NAV2: variants seen among roughly 807,000 people sequenced by gnomAD.
NAV2 encodes helicase, APC down-regulated 1.
A neutral mutation model predicts 223.2 loss-of-function variants in NAV2; 54 were observed. That is an observed-to-expected ratio of 0.24 (90% CI 0.19 to 0.30). NAV2 has a LOEUF of 0.30. NAV2 is among the 10% of genes least tolerant of loss of function. NAV2 has a pLI of 1.00. For missense variants in NAV2, 2,806 were observed against 3,147.5 expected, an observed-to-expected ratio of 0.89 and a Z score of 2.60; for synonymous variants, 1,279 against 1,239.3, an observed-to-expected ratio of 1.03 and a Z score of -0.67.
intron 1 of NAV2, chr11:19,714,534 T>C (rs1272907825): frequency 4.4e-6 from 2 of 452,836 alleles, no homozygotes; most frequent in East Asian, 7.0e-5. Context: ...GGCAAGGTGC[T>C]GGGACTGCGG....
At chr11:20,027,303 GCC>G (rs10710884) in intron 11 of NAV2, 1 of 985,132 alleles carries the variant, frequency 1.0e-6, no homozygotes, top group Non-Finnish European at 1.2e-6. Flanking sequence ...TTCCGCTCGG[GCC>G]CCGGGGTTTC....
chr11:19,566,961 CT>C (rs1163534615), intron 1 of NAV2, among the ~76,000 whole-genome samples: 1 of 152,176 alleles, frequency 6.6e-6, no homozygotes, highest in Non-Finnish European at 1.5e-5. Flanking sequence ...TGAAAAAGGT[CT>C]ACACTTTCTG....
intron 1 of NAV2, among the ~76,000 whole-genome samples, chr11:19,533,106 T>C (rs540666475): frequency 1.6e-4 from 25 of 152,264 alleles, no homozygotes; most frequent in Non-Finnish European, 2.5e-4. Context: ...GTTTCAGTGA[T>C]GGGAGAAAGC....
intron 9 of NAV2, among the ~76,000 whole-genome samples, chr11:19,947,063 T>C (rs1240231377): frequency 6.6e-6 from 1 of 152,206 alleles, no homozygotes; most frequent in Non-Finnish European, 1.5e-5. Context: ...AACCCTGGGA[T>C]GTCTTTTGTG....
chr11:19,756,795 CT>C (rs1164049815), intron 1 of NAV2, among the ~76,000 whole-genome samples: 1 of 152,212 alleles, frequency 6.6e-6, no homozygotes, highest in African/African-American at 2.4e-5. Context: ...GCGCCAGTTT[CT>C]TTTTGGTGAG....
intron 1 of NAV2, among the ~76,000 whole-genome samples, chr11:19,448,866 G>A (rs187645558): frequency 6.6e-6 from 1 of 152,330 alleles, no homozygotes; most frequent in East Asian, 1.9e-4. Context: ...GGTCTGTGAA[G>A]GAGGGAGAGA....
At chr11:20,035,247 T>A (rs1017548169) in intron 11 of NAV2, among the ~76,000 whole-genome samples, 3 of 151,674 alleles carry the variant, frequency 2.0e-5, no homozygotes, top group Non-Finnish European at 4.4e-5. Context: ...GGAAGCAAGG[T>A]GATAGGACTG....
At chr11:19,350,958 A>G in exon 1 of NAV2, 1 of 1,551,718 alleles carries the variant, frequency 6.4e-7, no homozygotes, top group Non-Finnish European at 8.7e-7. Context: ...GGGAAATGGA[A>G]TCGGTTTCTG....
At chr11:19,582,185 A>G (rs1475901804) in intron 1 of NAV2, among the ~76,000 whole-genome samples, 1 of 152,114 alleles carries the variant, frequency 6.6e-6, no homozygotes, top group African/African-American at 2.4e-5. Flanking sequence ...GTCTGTTCAT[A>G]TCCTTCGCCC....
At chr11:20,107,967 A>G (rs888040791) in intron 36 of NAV2, among the ~76,000 whole-genome samples, 185 bp downstream of exon 36, 3 of 152,038 alleles carry the variant, frequency 2.0e-5, no homozygotes, top group Non-Finnish European at 4.4e-5. Flanking sequence ...TCTTCCACCC[A>G]TTAGCATTGT....
At chr11:19,835,123 A>C (rs1267785089) in intron 2 of NAV2, among the ~76,000 whole-genome samples, 3 of 152,212 alleles carry the variant, frequency 2.0e-5, no homozygotes, top group African/African-American at 7.2e-5. Flanking sequence ...CAGTTTTATC[A>C]TTGCTCAGGA....
chr11:19,571,709 A>C (rs1231533675), intron 1 of NAV2, among the ~76,000 whole-genome samples: 1 of 151,464 alleles, frequency 6.6e-6, no homozygotes, highest in African/African-American at 2.4e-5. Context: ...TCCATCTCAA[A>C]AAAGAAAAAA....
chr11:19,674,853 C>T (rs1036637017), intron 1 of NAV2, among the ~76,000 whole-genome samples: 3 of 152,212 alleles, frequency 2.0e-5, no homozygotes, highest in African/African-American at 7.2e-5. Context: ...GGGCCACCTC[C>T]CTGGGTTCAA....
At chr11:20,045,778 C>A in intron 14 of NAV2, 108 bp downstream of exon 14, 1 of 929,846 alleles carries the variant, frequency 1.1e-6, no homozygotes, top group Non-Finnish European at 1.6e-6. Flanking sequence ...CACTTTAGTC[C>A]TCCAGTAAAG....
At chr11:20,019,998 A>G (rs1237127381) in intron 11 of NAV2, among the ~76,000 whole-genome samples, 1 of 152,056 alleles carries the variant, frequency 6.6e-6, no homozygotes, top group Non-Finnish European at 1.5e-5. Context: ...ATGAGGTAAA[A>G]AAAAAAAAAA....
intron 1 of NAV2, among the ~76,000 whole-genome samples, chr11:19,569,788 G>C (rs1392150965): frequency 6.6e-6 from 1 of 152,174 alleles, no homozygotes; most frequent in Non-Finnish European, 1.5e-5. Context: ...TGGGGAGGGA[G>C]AACTGCCCCT....
chr11:20,017,764 G>A (rs546216460), intron 11 of NAV2, among the ~76,000 whole-genome samples: 5 of 152,294 alleles, frequency 3.3e-5, no homozygotes, highest in African/African-American at 1.2e-4. Flanking sequence ...AGTATTAACT[G>A]CTGTACTTCA....
At chr11:19,416,629 G>A (rs538897772) in intron 1 of NAV2, among the ~76,000 whole-genome samples, 11 of 152,210 alleles carry the variant, frequency 7.2e-5, no homozygotes, top group African/African-American at 9.6e-5. Flanking sequence ...AAAAGAGCCC[G>A]TACAGCCAAG....
At chr11:19,545,614 G>A (rs1229957877) in intron 1 of NAV2, among the ~76,000 whole-genome samples, 1 of 152,186 alleles carries the variant, frequency 6.6e-6, no homozygotes, top group Non-Finnish European at 1.5e-5. Flanking sequence ...TTCCTAGAGG[G>A]TACTAAACAC....
Sources: allele counts gnomAD v4.1 joint callset (sites outside exome capture counted in the v4.1 genomes callset), GRCh38; gene constraint gnomAD v4.1.1; transcripts MANE v1.5; gene names NCBI Gene and HGNC (gene_info 2026-07-23, HGNC 2026-07-21).